CADPS: variants seen among roughly 807,000 people sequenced by gnomAD.
CADPS encodes the protein calcium-dependent secretion activator 1.
A neutral mutation model predicts 167.3 loss-of-function variants in CADPS; 57 were observed. The observed-to-expected ratio is 0.34, with a 90% CI of 0.28 to 0.42. The LOEUF is 0.42. CADPS is among the 20% of genes least tolerant of loss of function. The probability of loss-of-function intolerance (pLI) is 1.00; values close to 1 mark genes in which losing one functional copy is unlikely to be tolerated. For synonymous variants in CADPS, 676 were observed against 635.3 expected, an observed-to-expected ratio of 1.06 and a Z score of -0.96; for missense variants, 1,414 against 1,738.1, an observed-to-expected ratio of 0.81 and a Z score of 3.32.
chr3:62,684,159 T>C (rs2077586260), intron 3 of CADPS, among the ~76,000 whole-genome samples: 1 of 152,092 alleles, frequency 6.6e-6, no homozygotes, highest in African/African-American at 2.4e-5. Context: ...ATGTTTTCCA[T>C]TTCTGTCTCC....
chr3:62,566,354 T>C (rs1014956470), intron 9 of CADPS, among the ~76,000 whole-genome samples: 7 of 152,200 alleles, frequency 4.6e-5, no homozygotes, highest in Non-Finnish European at 1.0e-4. Flanking sequence ...CGTTTGTACA[T>C]ATGACTGAAT....
intron 18 of CADPS, among the ~76,000 whole-genome samples, chr3:62,498,924 G>T (rs2065246521): frequency 6.6e-6 from 1 of 152,188 alleles, no homozygotes; most frequent in Non-Finnish European, 1.5e-5. Context: ...CACCTCATTT[G>T]TTCATCGCTA....
chr3:62,727,686 G>T lies in CADPS; in HGVS notation c.888+25755C>A, dbSNP rs117993048. On this transcript the variant is annotated intron_variant, in intron 3 of 29. Transcript: ENST00000383710. The stretch of plus-strand genomic sequence containing the variant: ...TACAACACTAGATGAGAAAACCATG[G>T]GAGGCCTCTTATAACCATTGTCTTG... Among the ~76,000 whole-genome samples, 7 of 150,972 alleles carry T rather than the reference G, an allele frequency of 4.6e-5. No individual in the cohort carries two copies. The East Asian group carries it at 1.4e-3, about 29-fold the overall frequency.
At chr3:62,434,068 T>A (rs961440737) in intron 28 of CADPS, among the ~76,000 whole-genome samples, 4 of 152,238 alleles carry the variant, frequency 2.6e-5, no homozygotes, top group African/African-American at 9.6e-5. Flanking sequence ...TCAAGAAGGC[T>A]AAGCTTCCAC....
chr3:62,649,636 C>T (rs750264101), intron 5 of CADPS, among the ~76,000 whole-genome samples: 30 of 140,946 alleles, frequency 2.1e-4, no homozygotes, highest in Admixed American at 4.5e-4. Flanking sequence ...TTATGGCTCA[C>T]TGCAGCCTTG....
At chr3:62,841,123 T>C (rs982715962) in intron 1 of CADPS, among the ~76,000 whole-genome samples, 1 of 152,196 alleles carries the variant, frequency 6.6e-6, no homozygotes, top group Non-Finnish European at 1.5e-5. Flanking sequence ...TCTTTAACAG[T>C]CCTCATCATT....
At chr3:62,727,371 T>C (rs886989835) in intron 3 of CADPS, among the ~76,000 whole-genome samples, 4 of 151,934 alleles carry the variant, frequency 2.6e-5, no homozygotes, top group African/African-American at 9.7e-5. Flanking sequence ...CAATTTCATT[T>C]ATATGAAGTT....
intron 17 of CADPS, among the ~76,000 whole-genome samples, chr3:62,504,304 T>G (rs1354143295): frequency 6.6e-6 from 1 of 152,218 alleles, no homozygotes; most frequent in Non-Finnish European, 1.5e-5. Context: ...TACTCCATAT[T>G]GTATATTTTG....
Position 62,761,715 on chromosome 3 carries a change from G to A in CADPS, c.555+4156C>T, listed in dbSNP as rs148982307. 4.3e-4 allele frequency among the ~76,000 whole-genome samples: 65 copies of A among 151,942 alleles called. No individual in the cohort carries two copies. The East Asian group carries it at 0.011, about 25-fold the overall frequency. The stretch of plus-strand genomic sequence containing the variant: ...GGAGGGAGGGAGAGAGCAAGGGAGG[G>A]CTTATATTTTGGACATTTTTCTTAA... On this transcript the variant is annotated intron_variant, in intron 2 of 29. Transcript: ENST00000383710.
Position 62,399,147 on chromosome 3 carries a change from A to G in CADPS, c.*259T>C. 2.5e-6 allele frequency: 1 copy of G among 398,728 alleles called. No homozygotes were observed. The highest frequency in any genetic ancestry group is 4.6e-6 in the Non-Finnish European group (1 of 216,412). 24.7% of individuals were successfully genotyped at this position (398,728 alleles called of 1,614,324 possible). ...TAACAGGGACACGCCTAGTGGTTAG[A>G]CTATGTATTCTCCATGAACAGTATT... On this transcript the variant is annotated 3_prime_UTR_variant, in exon 30 of 30. Transcript: ENST00000383710. This position sits in a 1 kb window ranked among gnomAD's most constrained non-coding sequence, Gnocchi z 5.6.
At chr3:62,860,682 T>C (rs1281062932) in intron 1 of CADPS, among the ~76,000 whole-genome samples, 1 of 152,112 alleles carries the variant, frequency 6.6e-6, no homozygotes, top group African/African-American at 2.4e-5. Flanking sequence ...GATCCAAATC[T>C]TACCACCTCT....
chr3:62,774,037 A>T (rs548233382), intron 1 of CADPS, among the ~76,000 whole-genome samples: 1 of 152,310 alleles, frequency 6.6e-6, no homozygotes, highest in African/African-American at 2.4e-5. Context: ...CATAATTTGA[A>T]CATTGATTAA....
chr3:62,822,881 TAA>T (rs2073265152), intron 1 of CADPS, among the ~76,000 whole-genome samples: 1 of 151,834 alleles, frequency 6.6e-6, no homozygotes, highest in African/African-American at 2.4e-5. Context: ...ATTAAAAAAA[TAA>T]AAGAGACACG....
rs149109246 is a variant in CADPS, at chr3:62,506,891, G to T, written c.2599+5860C>A. Among the ~76,000 whole-genome samples the T allele has an allele frequency of 2.1e-3, 317 of 152,226 alleles. 3 individuals carry two copies. The highest frequency in any genetic ancestry group is 0.016 in the Admixed American group (252 of 15,292). Reference sequence around the variant, plus strand: ...AGGATAAAAGGCTGGTGCTATTTGTGGCCATATTGCTTCCCAAACTTCAAC... The same window carrying T: ...AGGATAAAAGGCTGGTGCTATTTGTTGCCATATTGCTTCCCAAACTTCAAC... On this transcript the variant is annotated intron_variant, in intron 17 of 29. Transcript: ENST00000383710.
At position 62,602,460 on chromosome 3, in the gene CADPS, G is replaced by A. The variant is rs776463747; in HGVS notation, c.1326-9712C>T. On this transcript the variant is annotated intron_variant, in intron 6 of 29. Coordinates refer to ENST00000383710, the MANE Select transcript of CADPS (RefSeq NM_003716.4). This position sits in a 1 kb window ranked among gnomAD's most constrained non-coding sequence, Gnocchi z 4.4. Reference sequence around the variant, plus strand: ...TGTCATTTCAAGGAATGAAAGTGCCGTGGTCCTGTTGCTAAGAAGGAAAGT... The same window carrying A: ...TGTCATTTCAAGGAATGAAAGTGCCATGGTCCTGTTGCTAAGAAGGAAAGT... 5.9e-5 allele frequency among the ~76,000 whole-genome samples: 9 copies of A among 152,152 alleles called. No individual in the cohort carries two copies. Among genetic ancestry groups the A allele is most frequent in the South Asian group, 2.1e-4 (1 of 4,826 alleles).
intron 1 of CADPS, among the ~76,000 whole-genome samples, chr3:62,800,851 C>T (rs1003094757): frequency 1.3e-5 from 2 of 152,238 alleles, no homozygotes; most frequent in Non-Finnish European, 2.9e-5. Context: ...CATTCGTTCT[C>T]GATGTCTTAG....
intron 6 of CADPS, among the ~76,000 whole-genome samples, chr3:62,629,918 G>C (rs76774528): frequency 0.031 from 4,745 of 152,138 alleles, 264 homozygotes; most frequent in African/African-American, 0.11. Context: ...AACTCAAATA[G>C]CTCCTCTATA....
chr3:62,570,339 G>A (rs1578008132), intron 9 of CADPS, among the ~76,000 whole-genome samples: 1 of 151,510 alleles, frequency 6.6e-6, no homozygotes. Context: ...GCACCAAGAA[G>A]AGTAGAGCAC....
intron 5 of CADPS, among the ~76,000 whole-genome samples, chr3:62,649,337 T>C (rs2069412765): frequency 1.3e-5 from 2 of 152,086 alleles, no homozygotes; most frequent in Admixed American, 6.5e-5. Context: ...ATAAACCCAT[T>C]TTAGATGCAC....
Sources: gnomAD v4.1 joint callset for allele counts (sites outside exome capture counted in the v4.1 genomes callset) on GRCh38, gnomAD v4.1.1 for gene constraint, Gnocchi (gnomAD v3.1) non-coding constraint, MANE v1.5 for transcripts, NCBI Gene and HGNC (gene_info 2026-07-23, HGNC 2026-07-21) for gene names.